The following MBTD1 variants were observed in gnomAD, a reference collection of about 807,000 sequenced individuals.
MBTD1 encodes the protein mbt domain containing 1, also known as MBT domain-containing protein 1.
MBTD1 carries 24 observed loss-of-function variants against 87.8 expected under a neutral mutation model. The ratio of observed to expected loss-of-function variants is 0.27; its 90% confidence interval spans 0.20 to 0.38. The LOEUF (loss-of-function observed/expected upper bound fraction) is 0.38, where lower values mean the gene tolerates loss of function less well. Among genes scored for constraint, MBTD1 ranks in the 10% least tolerant of loss-of-function variants. The probability of loss-of-function intolerance (pLI) is 1.00; values close to 1 mark genes in which losing one functional copy is unlikely to be tolerated. For synonymous variants in MBTD1, 237 were observed against 248.6 expected, an observed-to-expected ratio of 0.95 and a Z score of 0.44; for missense variants, 436 against 760.2, an observed-to-expected ratio of 0.57 and a Z score of 5.02.
chr17:51,194,650 G>A (rs1301470077), intron 13 of MBTD1, among the ~76,000 whole-genome samples: 1 of 150,518 alleles, frequency 6.6e-6, no homozygotes, highest in East Asian at 1.9e-4. Context: ...GGGAGGCTGA[G>A]GTGGGAGGAT....
chr17:51,258,183 G>A (rs977397655), intron 2 of MBTD1, among the ~76,000 whole-genome samples: 3 of 152,162 alleles, frequency 2.0e-5, no homozygotes, highest in African/African-American at 4.8e-5. Context: ...GGGGCTTAAG[G>A]TGAAATTTAT....
At chr17:51,186,534 T>G (rs1318655263) in intron 16 of MBTD1, 1 of 152,200 alleles carries the variant, frequency 6.6e-6, no homozygotes, top group Non-Finnish European at 1.5e-5. Flanking sequence ...CCCAGCACTT[T>G]GGGAGGCCGA....
chr17:51,212,366 A>G (rs1034898516), intron 6 of MBTD1, among the ~76,000 whole-genome samples: 24 of 149,380 alleles, frequency 1.6e-4, no homozygotes, highest in African/African-American at 5.4e-4. Flanking sequence ...TCAAAAAAAA[A>G]AAGAAAAGAA....
intron 2 of MBTD1, among the ~76,000 whole-genome samples, chr17:51,258,736 C>T (rs2055247379): frequency 6.6e-6 from 1 of 152,180 alleles, no homozygotes; most frequent in Non-Finnish European, 1.5e-5. Flanking sequence ...AAATTTCTAA[C>T]TTCAAAAAGA....
At chr17:51,189,366 T>C (rs778666913) in intron 16 of MBTD1, among the ~76,000 whole-genome samples, 87 of 152,364 alleles carry the variant, frequency 5.7e-4, no homozygotes, top group Admixed American at 3.9e-4. Flanking sequence ...GATGTCATAC[T>C]ATTAGGAAAT....
intron 5 of MBTD1, among the ~76,000 whole-genome samples, chr17:51,218,230 T>G (rs1402673172): frequency 2.0e-5 from 3 of 152,000 alleles, no homozygotes; most frequent in East Asian, 3.9e-4. Context: ...TCTATTTACT[T>G]CTATTAAAAA....
Position 51,259,977 on chromosome 17 carries a change from G to T in MBTD1, c.-255C>A. ...TACAGGGGGCCCCCGGCTGGGCCCA[G>T]ACCGGTGGCGGGTGCAGCAGCCCCC... On this transcript the variant is annotated 5_prime_UTR_variant, in exon 1 of 17. The change creates a new upstream start codon in the 5' untranslated region. Coordinates refer to ENST00000586178, the MANE Select transcript of MBTD1 (RefSeq NM_017643.3). 2 of 862,566 alleles carry T rather than the reference G, an allele frequency of 2.3e-6. No individual in the cohort carries two copies. The highest frequency in any genetic ancestry group is 1.2e-4 in the South Asian group (2 of 17,214). 53.4% of individuals were successfully genotyped at this position (862,566 alleles called of 1,614,324 possible).
At chr17:51,210,893 T>G (rs1208565569) in intron 6 of MBTD1, among the ~76,000 whole-genome samples, 1 of 152,160 alleles carries the variant, frequency 6.6e-6, no homozygotes, top group African/African-American at 2.4e-5. Flanking sequence ...GCCAAGGACT[T>G]TGGGAGGCCA....
intron 5 of MBTD1, among the ~76,000 whole-genome samples, chr17:51,218,482 T>C (rs2052700263): frequency 7.2e-6 from 1 of 138,872 alleles, no homozygotes; most frequent in Admixed American, 8.1e-5. Context: ...TGAGCCGAGA[T>C]CACGCCACTG....
chr17:51,199,391 C>T (rs879322440), intron 12 of MBTD1, among the ~76,000 whole-genome samples: 8 of 151,506 alleles, frequency 5.3e-5, no homozygotes, highest in Non-Finnish European at 1.2e-4. Context: ...AAAAAGGGCC[C>T]AGCCTTTTTT....
intron 1 of MBTD1, among the ~76,000 whole-genome samples, 173 bp downstream of exon 1, chr17:51,259,662 C>G (rs2055344062): frequency 6.6e-6 from 1 of 151,736 alleles, no homozygotes; most frequent in South Asian, 2.1e-4. Flanking sequence ...GAGGGGAACC[C>G]CTGAATCGTT....
Position 51,177,448 on chromosome 17 carries a change from G to A in MBTD1, c.*3128C>T, listed in dbSNP as rs2144909654. On this transcript the variant is annotated 3_prime_UTR_variant, in exon 17 of 17. Coordinates refer to ENST00000586178, the MANE Select transcript of MBTD1 (RefSeq NM_017643.3). ...GCTTAACTTTAACATTTTATTTTGT[G>A]TAAAAAAGGGCAAATTTAGTGAATT... The A allele has an allele frequency of 6.6e-6, 1 of 152,200 alleles. No homozygotes were observed. Among genetic ancestry groups the A allele is most frequent in the Middle Eastern group, 3.4e-3 (1 of 294 alleles). 9.4% of individuals were successfully genotyped at this position (152,200 alleles called of 1,614,324 possible). A position where few individuals can be genotyped will look rare whatever the true frequency, so the allele number is the denominator to read the frequency against.
At chr17:51,183,446 C>T (rs1339117580) in intron 16 of MBTD1, 3 of 152,184 alleles carry the variant, frequency 2.0e-5, no homozygotes, top group Non-Finnish European at 4.4e-5. Flanking sequence ...CATGGGATAA[C>T]CTCCCAAAGT....
intron 9 of MBTD1, 49 bp from the exon 10 acceptor site, chr17:51,202,984 C>T (rs2051580304): frequency 4.1e-6 from 6 of 1,474,268 alleles, no homozygotes; most frequent in Non-Finnish European, 5.7e-6. Flanking sequence ...CAAAGGTCTA[C>T]AAGAAATTTT....
Position 51,202,002 on chromosome 17 carries a change from T to A in MBTD1, c.1119+20A>T. On this transcript the variant is annotated intron_variant, in intron 11 of 16. Transcript: ENST00000586178. Reference sequence around the variant, plus strand: ...TTCAAACCTAATTTACAAATGAGGGTTCTTATAAAAACTTCTTACCTTAGC... The same window carrying A: ...TTCAAACCTAATTTACAAATGAGGGATCTTATAAAAACTTCTTACCTTAGC... 1 of 1,560,402 alleles carries A rather than the reference T, an allele frequency of 6.4e-7. No individual in the cohort carries two copies. The highest frequency in any genetic ancestry group is 8.8e-7 in the Non-Finnish European group (1 of 1,134,642).
chr17:51,186,203 T>G (rs2050526856), intron 16 of MBTD1: 1 of 152,638 alleles, frequency 6.6e-6, no homozygotes, highest in Non-Finnish European at 1.5e-5. Flanking sequence ...TCTTCCCAAT[T>G]GGCATCTTCC....
At chr17:51,189,660 T>A (rs79273477) in intron 16 of MBTD1, among the ~76,000 whole-genome samples, 18,193 of 152,230 alleles carry the variant, frequency 0.12, 1,834 homozygotes, top group African/African-American at 0.27. Flanking sequence ...AGCCACTGAG[T>A]AATAAAAACC....
intron 2 of MBTD1, among the ~76,000 whole-genome samples, chr17:51,246,936 G>A (rs975479680): frequency 1.3e-5 from 2 of 151,902 alleles, no homozygotes; most frequent in African/African-American, 4.8e-5. Flanking sequence ...CACTGCACCT[G>A]GCCATTTGTT....
intron 4 of MBTD1, 118 bp from the exon 5 acceptor site, chr17:51,219,162 T>C (rs1568194774): frequency 5.1e-6 from 3 of 591,772 alleles, no homozygotes; most frequent in Non-Finnish European, 9.2e-6. Flanking sequence ...AGAAAATTAT[T>C]AAAGCAGAGG....
Sources: gnomAD v4.1 joint callset for allele counts (sites outside exome capture counted in the v4.1 genomes callset) on GRCh38, gnomAD v4.1.1 for gene constraint, MANE v1.5 for transcripts, NCBI Gene and HGNC (gene_info 2026-07-23, HGNC 2026-07-21) for gene names.